Variants in FAM234B observed in about 807,000 individuals in gnomAD.
The protein encoded by FAM234B is family with sequence similarity 234 member B, also known as protein FAM234B.
A neutral mutation model predicts 69.3 loss-of-function variants in FAM234B; 33 were observed. That is an observed-to-expected ratio of 0.48 (90% CI 0.36 to 0.64). The LOEUF (loss-of-function observed/expected upper bound fraction) is 0.64, where lower values mean the gene tolerates loss of function less well. Among genes scored for constraint, FAM234B ranks in the 30% least tolerant of loss-of-function variants. FAM234B has a pLI of 0.00. For synonymous variants in FAM234B, 306 were observed against 306.9 expected (o/e 1.00, Z 0.03); for missense variants, 697 against 769.7 (o/e 0.91, Z 1.12).
chr12:13,061,555 T>A lies in FAM234B; in HGVS notation c.533-20T>A. ...TCCTTTGCCTGCTTTCCTTTTTTTA[T>A]CTCTCTTGTGTGCTTTTAGGTGTCT... On this transcript the variant is annotated intron_variant, in intron 3 of 12. Transcript: ENST00000197268. 1 of 1,585,064 alleles carries A rather than the reference T, an allele frequency of 6.3e-7. No individual in the cohort carries two copies.
chr12:13,046,236 G>T (rs1398565196), intron 1 of FAM234B, among the ~76,000 whole-genome samples: 1 of 96,850 alleles, frequency 1.0e-5, no homozygotes, highest in African/African-American at 5.0e-5. Flanking sequence ...GTACTTGGAT[G>T]GGAGAAAATG....
rs992890742 is a variant in FAM234B at position 13,064,355 on chromosome 12, C to G, written c.852+1380C>G. On this transcript the variant is annotated intron_variant, in intron 5 of 12. Transcript: ENST00000197268. ...TTGAATTATTACTTCCATCAGGGAG[C>G]AATTCTTTGAAGGGAACATATGGGG... Among the ~76,000 whole-genome samples, 4 of 152,170 alleles carry G rather than the reference C, an allele frequency of 2.6e-5. No individual in the cohort carries two copies. The East Asian group carries it at 5.8e-4, about 22-fold the overall frequency.
chr12:13,055,516 G>T lies in FAM234B; in HGVS notation c.38-35G>T, dbSNP rs558177682. 3 of 1,538,762 alleles carry T rather than the reference G, an allele frequency of 1.9e-6. No individual in the cohort carries two copies. In the African/African-American group the frequency reaches 4.1e-5, roughly 21 times the overall value. On this transcript the variant is annotated intron_variant, in intron 1 of 12. Coordinates refer to ENST00000197268, the MANE Select transcript of FAM234B (RefSeq NM_020853.2). ...ATTTGGTGAGGGTGTCTTCTCCCCAGTTCCCCTTGACTCTCTGTTTTTCTG... is the reference window on the plus strand; with the variant it reads ...ATTTGGTGAGGGTGTCTTCTCCCCATTTCCCCTTGACTCTCTGTTTTTCTG...
chr12:13,045,203 G>A (rs1393533333), intron 1 of FAM234B, among the ~76,000 whole-genome samples: 10 of 149,314 alleles, frequency 6.7e-5, no homozygotes, highest in African/African-American at 2.5e-4. Context: ...TCGGGCAGCA[G>A]CTCCAAGTTT....
chr12:13,066,007 A>C (rs1188494189), intron 5 of FAM234B, among the ~76,000 whole-genome samples: 1 of 152,188 alleles, frequency 6.6e-6, no homozygotes, highest in Non-Finnish European at 1.5e-5. Flanking sequence ...AATTTGGCCC[A>C]CTACTTGTTT....
At chr12:13,066,273 C>T (rs932782246) in intron 5 of FAM234B, among the ~76,000 whole-genome samples, 1 of 152,174 alleles carries the variant, frequency 6.6e-6, no homozygotes, top group East Asian at 1.9e-4. Flanking sequence ...CTAGCTGGAA[C>T]CAAATATTAC....
intron 10 of FAM234B, 22 bp from the exon 11 acceptor site, chr12:13,076,004 C>T: frequency 1.3e-6 from 2 of 1,561,708 alleles, no homozygotes; most frequent in Non-Finnish European, 1.8e-6. Context: ...CTTTGCTCTT[C>T]CTTTTTGCTG....
chr12:13,062,835 C>A lies in FAM234B; in HGVS notation c.722-10C>A. On this transcript the variant is annotated splice_polypyrimidine_tract_variant and intron_variant, in intron 4 of 12. Coordinates refer to ENST00000197268, the MANE Select transcript of FAM234B (RefSeq NM_020853.2). ...TTGTCATAGTGACCAGCCTATGTGT[C>A]CTTCCTCAGGGAAAGCCATTTGGAC... 1 of 1,613,588 alleles carries A rather than the reference C, an allele frequency of 6.2e-7. No individual in the cohort carries two copies. The highest frequency in any genetic ancestry group is 1.1e-5 in the South Asian group (1 of 91,026).
Position 13,080,130 on chromosome 12 carries a change from A to C in FAM234B, c.1863+121A>C, listed in dbSNP as rs1182734906. ...TTCTTGAGTAGATGTGTATCAAGAC[A>C]GTTGTTTTGGACCAACACTGTTTCC... On this transcript the variant is annotated intron_variant, in intron 12 of 12. Transcript: ENST00000197268. The C allele has an allele frequency of 4.3e-6, 3 of 703,088 alleles. No homozygotes were observed. In the African/African-American group the frequency reaches 5.4e-5, roughly 13 times the overall value. 43.6% of individuals were successfully genotyped at this position (703,088 alleles called of 1,614,324 possible).
chr12:13,077,876 A>G (rs1414833100), intron 11 of FAM234B, among the ~76,000 whole-genome samples: 1 of 152,184 alleles, frequency 6.6e-6, no homozygotes, highest in Non-Finnish European at 1.5e-5. Context: ...GAACTAGTTT[A>G]CAGTCCCAAC....
chr12:13,070,941 A>G (rs545679113), intron 9 of FAM234B, among the ~76,000 whole-genome samples: 5 of 152,306 alleles, frequency 3.3e-5, no homozygotes, highest in Non-Finnish European at 5.9e-5. Flanking sequence ...CCTGTCTCTC[A>G]GATCCTCCTT....
intron 9 of FAM234B, among the ~76,000 whole-genome samples, chr12:13,069,791 C>T (rs1043375942): frequency 2.0e-5 from 3 of 152,180 alleles, no homozygotes; most frequent in Non-Finnish European, 4.4e-5. Flanking sequence ...CTGGAGGAGG[C>T]GTTGGAGGCC....
rs142863695 is a variant in FAM234B, at chr12:13,076,132, C to T, written c.1631C>T (p.Thr544Met). The T allele has an allele frequency of 1.8e-4, 298 of 1,612,552 alleles. No homozygotes were observed. In the African/African-American group the frequency reaches 1.9e-3, roughly 10 times the overall value. ...CTGGCCAACACCACCGGCACAGTGA[C>T]GGCTTCAGAGGGTGAGTCCCAGTGC... ...LDLANTTGTV[T>M]ASEVGINDLW... Residue 544 changes from threonine (T) to methionine (M), a missense_variant, in exon 11 of 13, where the codon ACG (threonine) becomes ATG (methionine). Thr to Met is a moderately conservative substitution (Grantham distance 81, BLOSUM62 -1). Around this residue, in one of 3 missense-constraint regions of FAM234B, gnomAD observed 313 missense variants for 305.5 expected, o/e 1.02. Transcript: ENST00000197268.
At chr12:13,048,501 CTTTTCTGTTTTCTGTTAT>C in intron 1 of FAM234B, among the ~76,000 whole-genome samples, 1 of 151,922 alleles carries the variant, frequency 6.6e-6, no homozygotes, top group Non-Finnish European at 1.5e-5. Context: ...GCTTTTGGTT[CTTTTCTGTTTTCTGTTAT>C]CCTCTTTTCT....
chr12:13,053,529 C>A (rs1280750163), intron 1 of FAM234B, among the ~76,000 whole-genome samples: 1 of 151,922 alleles, frequency 6.6e-6, no homozygotes, highest in Non-Finnish European at 1.5e-5. Context: ...GTCCCCTGAG[C>A]CACAAAACCA....
chr12:13,082,878 A>G lies in FAM234B; in HGVS notation c.*2248A>G, dbSNP rs1865254372. The G allele has an allele frequency of 6.6e-6, 1 of 152,228 alleles. No homozygotes were observed. Among genetic ancestry groups the G allele is most frequent in the African/African-American group, 2.4e-5 (1 of 41,468 alleles). 9.4% of individuals were successfully genotyped at this position (152,228 alleles called of 1,614,324 possible). ...GATAAGAGGAAGCTAGAGAAACTTA[A>G]TGTACCTGAATTCTTCATGGTGTAT... On this transcript the variant is annotated 3_prime_UTR_variant, in exon 13 of 13. Transcript: ENST00000197268.
intron 10 of FAM234B, 119 bp from the exon 11 acceptor site, chr12:13,075,907 C>A: frequency 2.6e-6 from 2 of 774,638 alleles, no homozygotes; most frequent in South Asian, 1.4e-5. Context: ...TAGGATCAGG[C>A]ATTAGCATCT....
intron 11 of FAM234B, among the ~76,000 whole-genome samples, chr12:13,076,980 G>C (rs895493162): frequency 9.9e-5 from 15 of 152,262 alleles, no homozygotes; most frequent in African/African-American, 3.1e-4. Context: ...GGACTTGGCT[G>C]TCTACTTACA....
At chr12:13,076,743 CTG>C (rs1438411170) in intron 11 of FAM234B, among the ~76,000 whole-genome samples, 2 of 152,210 alleles carry the variant, frequency 1.3e-5, no homozygotes, top group Admixed American at 6.5e-5. Flanking sequence ...CTAAATAACA[CTG>C]TAAATAAAAT....
Sources: allele counts gnomAD v4.1 joint callset (sites outside exome capture counted in the v4.1 genomes callset), GRCh38; gene constraint gnomAD v4.1.1; regional missense constraint gnomAD v4.1.1; transcripts MANE v1.5; gene names NCBI Gene and HGNC (gene_info 2026-07-23, HGNC 2026-07-21).